Variants in DMRT1 observed in about 807,000 individuals in gnomAD.
The protein encoded by DMRT1 is doublesex- and mab-3-related transcription factor 1.
In DMRT1, 7 loss-of-function variants were observed where a neutral mutation model predicts 32.3. The ratio of observed to expected loss-of-function variants is 0.22; its 90% CI spans 0.12 to 0.41. DMRT1 has a LOEUF of 0.41. DMRT1 is among the 10% of genes least tolerant of loss of function. The pLI is 1.00. For missense variants in DMRT1, 625 were observed against 500.5 expected (o/e 1.25, Z -2.37); for synonymous variants, 278 against 206.1 (o/e 1.35, Z -2.99).
At chr9:905,314 C>A (rs1342894916) in intron 3 of DMRT1, among the ~76,000 whole-genome samples, 1 of 152,136 alleles carries the variant, frequency 6.6e-6, no homozygotes, top group East Asian at 1.9e-4. Context: ...AAGGTATTAT[C>A]CCCACATTTT....
intron 2 of DMRT1, among the ~76,000 whole-genome samples, chr9:867,912 T>C (rs1202171920): frequency 6.6e-6 from 1 of 152,264 alleles, no homozygotes; most frequent in Non-Finnish European, 1.5e-5. Context: ...TAAATTAAGT[T>C]ATACTATATG....
chr9:963,870 C>G (rs1239222891), intron 4 of DMRT1, among the ~76,000 whole-genome samples: 1 of 152,180 alleles, frequency 6.6e-6, no homozygotes, highest in African/African-American at 2.4e-5. Flanking sequence ...ATCAGCTTTT[C>G]ATCAGATTCT....
chr9:866,587 C>A (rs4742514), intron 2 of DMRT1, among the ~76,000 whole-genome samples: 122,279 of 152,120 alleles, frequency 0.8, 49,616 homozygotes, highest in Admixed American at 0.88. Context: ...TAGGGGCAAA[C>A]CAGAAAGCAA....
chr9:902,199 C>A (rs369566571), intron 3 of DMRT1, among the ~76,000 whole-genome samples: 1 of 151,416 alleles, frequency 6.6e-6, no homozygotes, highest in African/African-American at 2.4e-5. Context: ...CGTGAGCCAC[C>A]GCGCCAGCCA....
At chr9:897,840 A>G (rs1364696929) in intron 3 of DMRT1, among the ~76,000 whole-genome samples, 2 of 152,316 alleles carry the variant, frequency 1.3e-5, no homozygotes, top group East Asian at 1.9e-4. Flanking sequence ...TATGTTAACT[A>G]TTATCAAAAG....
chr9:949,577 G>C (rs560071438), intron 4 of DMRT1, among the ~76,000 whole-genome samples: 1 of 152,274 alleles, frequency 6.6e-6, no homozygotes, highest in Non-Finnish European at 1.5e-5. Context: ...TTCATGATAA[G>C]AACACTTGAC....
chr9:866,194 G>A (rs80294942), intron 2 of DMRT1, among the ~76,000 whole-genome samples: 7,260 of 141,652 alleles, frequency 0.051, 593 homozygotes, highest in African/African-American at 0.16. Context: ...AAAGACAGTG[G>A]TGGGTGTTTT....
chr9:894,660 C>T (rs1218785666), intron 3 of DMRT1: 2 of 263,374 alleles, frequency 7.6e-6, no homozygotes, highest in Non-Finnish European at 1.5e-5. Context: ...GAATTTGCAC[C>T]TTGGGAAGGA....
At chr9:949,372 AAAAAACCCC>A (rs2129947525) in intron 4 of DMRT1, among the ~76,000 whole-genome samples, 1 of 152,054 alleles carries the variant, frequency 6.6e-6, no homozygotes, top group South Asian at 2.1e-4. Context: ...CTCGGGGAAA[AAAAAACCCC>A]AAAAAACCCA....
chr9:878,426 G>A (rs747716069), intron 2 of DMRT1, among the ~76,000 whole-genome samples: 4 of 152,122 alleles, frequency 2.6e-5, no homozygotes, highest in South Asian at 2.1e-4. Context: ...CTTTCCTGGC[G>A]CCAGGTTTGT....
intron 2 of DMRT1, among the ~76,000 whole-genome samples, chr9:893,436 C>G (rs1390061283): frequency 6.6e-6 from 1 of 152,258 alleles, no homozygotes; most frequent in Non-Finnish European, 1.5e-5. Context: ...GGCCAGATTT[C>G]TGAAGATACC....
At chr9:908,769 G>A (rs1469582790) in intron 3 of DMRT1, among the ~76,000 whole-genome samples, 4 of 152,062 alleles carry the variant, frequency 2.6e-5, no homozygotes, top group African/African-American at 9.7e-5. Flanking sequence ...AATCACTTCT[G>A]AAATGGTTGG....
At chr9:961,043 A>G (rs1347619610) in intron 4 of DMRT1, among the ~76,000 whole-genome samples, 3 of 152,112 alleles carry the variant, frequency 2.0e-5, no homozygotes, top group African/African-American at 7.2e-5. Flanking sequence ...TAAGTGCTCT[A>G]CTGTATCCCC....
intron 2 of DMRT1, among the ~76,000 whole-genome samples, chr9:853,176 G>T (rs1815234769): frequency 6.6e-6 from 1 of 152,090 alleles, no homozygotes; most frequent in African/African-American, 2.4e-5. Context: ...CACATGCAGA[G>T]CCTCTCCCAC....
chr9:894,791 G>GTT lies in DMRT1; in HGVS notation c.822+606_822+607dup, dbSNP rs1231759673. The GTT allele has an allele frequency of 2.9e-3, 431 of 148,274 alleles. 1 individual carries two copies. The highest frequency in any genetic ancestry group is 8.0e-3 in the African/African-American group (312 of 38,890). The allele number at this position is 148,274 out of a possible 1,614,324, so 9.2% of individuals were successfully genotyped here. A position where few individuals can be genotyped will look rare whatever the true frequency, so the allele number is the denominator to read the frequency against. The stretch of plus-strand genomic sequence containing the variant: ...GGTCAGTCTTTCATTCTCCAAGTTT[G>GTT]TTTTTTTTTTTGTTTGTTTGTTTGT... On this transcript the variant is annotated intron_variant, in intron 3 of 4. Coordinates refer to ENST00000382276, the MANE Select transcript of DMRT1 (RefSeq NM_021951.3).
chr9:856,559 T>C (rs114723353), intron 2 of DMRT1, among the ~76,000 whole-genome samples: 3,231 of 152,352 alleles, frequency 0.021, 108 homozygotes, highest in African/African-American at 0.074. Flanking sequence ...TTGTAGCATG[T>C]ATTTTTAATT....
chr9:862,105 C>CAGAGACGCTCCTCACTTCCTATAGGGGG (rs1815731808), intron 2 of DMRT1, among the ~76,000 whole-genome samples: 1 of 133,254 alleles, frequency 7.5e-6, no homozygotes, highest in Admixed American at 7.4e-5. Context: ...GGGGTGGCGG[C>CAGAGACGCTCCTCACTTCCTATAGGGGG]TGGGCAGAGG....
chr9:866,086 C>T (rs997415662), intron 2 of DMRT1, among the ~76,000 whole-genome samples: 2 of 142,966 alleles, frequency 1.4e-5, no homozygotes, highest in Admixed American at 7.8e-5. Context: ...ATCGCTTGAA[C>T]CCAAGAGGCA....
intron 3 of DMRT1, among the ~76,000 whole-genome samples, chr9:906,387 A>G (rs1817779133): frequency 6.6e-6 from 1 of 152,196 alleles, no homozygotes; most frequent in Non-Finnish European, 1.5e-5. Flanking sequence ...AAAGTATCCT[A>G]ATGTTTCTGA....
Sources: gnomAD v4.1 joint callset for allele counts (sites outside exome capture counted in the v4.1 genomes callset) on GRCh38, gnomAD v4.1.1 for gene constraint, MANE v1.5 for transcripts, NCBI Gene and HGNC (gene_info 2026-07-23, HGNC 2026-07-21) for gene names.